The following KIRREL3 variants were observed in gnomAD, a reference collection of about 807,000 sequenced individuals.
KIRREL3 encodes kirre like nephrin family adhesion molecule 3, also known as kin of IRRE-like protein 3.
KIRREL3 carries 36 observed loss-of-function variants against 89.7 expected under a neutral mutation model. The observed-to-expected ratio is 0.40, with a 90% CI of 0.31 to 0.53. The LOEUF (loss-of-function observed/expected upper bound fraction) is 0.53. KIRREL3 is among the 20% of genes least tolerant of loss of function. The pLI is 0.49. For missense variants in KIRREL3, 864 were observed against 1,056.6 expected (o/e 0.82, Z 2.53); for synonymous variants, 445 against 441.4 (o/e 1.01, Z -0.10).
At chr11:126,602,182 G>T (rs138759772) in intron 1 of KIRREL3, among the ~76,000 whole-genome samples, 4 of 152,194 alleles carry the variant, frequency 2.6e-5, no homozygotes, top group African/African-American at 9.7e-5. Flanking sequence ...TTTGATGAAA[G>T]CCTACTCTGG....
At chr11:126,538,471 G>A (rs1323542028) in intron 2 of KIRREL3, among the ~76,000 whole-genome samples, 1 of 152,130 alleles carries the variant, frequency 6.6e-6, no homozygotes, top group Non-Finnish European at 1.5e-5. Flanking sequence ...GAAAGACAAG[G>A]GCAGCGTGAC....
In KIRREL3 at chr11:126,764,374, C is replaced by G. The variant is rs756262407; in HGVS notation, c.56-201462G>C. 6.6e-6 allele frequency among the ~76,000 whole-genome samples: 1 copy of G among 152,140 alleles called. No individual in the cohort carries two copies. On this transcript the variant is annotated intron_variant, in intron 1 of 16. Transcript: ENST00000525144. This position sits in a 1 kb window ranked among gnomAD's most constrained non-coding sequence, Gnocchi z 4.2. Reference sequence around the variant, plus strand: ...GACAGCATTGGGCTGACACCTGCATCGAATGGAAGCTACACATTTCTGTCC... The same window carrying G: ...GACAGCATTGGGCTGACACCTGCATGGAATGGAAGCTACACATTTCTGTCC...
Position 126,719,316 on chromosome 11 carries a change from C to T in KIRREL3, c.56-156404G>A, listed in dbSNP as rs1434601606. On this transcript the variant is annotated intron_variant, in intron 1 of 16. Coordinates refer to ENST00000525144, the MANE Select transcript of KIRREL3 (RefSeq NM_032531.4). The surrounding 1 kb of genome is among the most constrained non-coding windows in gnomAD (Gnocchi z 4.7). ...AGCTCTTCTGTTTGAACGCCTTCTTCTCTTAGCCTCTGGGAGAGCAGTCTC... is the reference window on the plus strand; with the variant it reads ...AGCTCTTCTGTTTGAACGCCTTCTTTTCTTAGCCTCTGGGAGAGCAGTCTC... Among the ~76,000 whole-genome samples the T allele has an allele frequency of 6.6e-6, 1 of 152,214 alleles. No homozygotes were observed. Among genetic ancestry groups the T allele is most frequent in the African/African-American group, 2.4e-5 (1 of 41,446 alleles).
Position 126,605,889 on chromosome 11 carries a change from C to T in KIRREL3, c.56-42977G>A, listed in dbSNP as rs1942868943. 6.6e-6 allele frequency among the ~76,000 whole-genome samples: 1 copy of T among 152,194 alleles called. No individual in the cohort carries two copies. The highest frequency in any genetic ancestry group is 1.5e-5 in the Non-Finnish European group (1 of 68,036). On this transcript the variant is annotated intron_variant, in intron 1 of 16. Coordinates refer to ENST00000525144, the MANE Select transcript of KIRREL3 (RefSeq NM_032531.4). The surrounding 1 kb of genome is among the most constrained non-coding windows in gnomAD (Gnocchi z 5.7). ...GGGATCAAATTAGAGGCACAAAGGG[C>T]AGAAGGGAACCTTGGAGGTTCCTCC...
intron 1 of KIRREL3, among the ~76,000 whole-genome samples, chr11:126,753,519 T>G (rs1592075714): frequency 6.6e-6 from 1 of 152,330 alleles, no homozygotes; most frequent in Non-Finnish European, 1.5e-5. Flanking sequence ...AAGACAATTG[T>G]GGGGGACAAG....
In KIRREL3 at chr11:126,981,952, A is replaced by G. The variant is rs548561392; in HGVS notation, c.55+18503T>C. On this transcript the variant is annotated intron_variant, in intron 1 of 16. Transcript: ENST00000525144. This position sits in a 1 kb window ranked among gnomAD's most constrained non-coding sequence, Gnocchi z 4.2. ...TTTCAATTTGAATTCTATGCATATTATCAGATAGAACAAATGCAAATATAT... is the reference window on the plus strand; with the variant it reads ...TTTCAATTTGAATTCTATGCATATTGTCAGATAGAACAAATGCAAATATAT... Among the ~76,000 whole-genome samples, 1 of 152,244 alleles carries G rather than the reference A, an allele frequency of 6.6e-6. No individual in the cohort carries two copies. The highest frequency in any genetic ancestry group is 2.1e-4 in the South Asian group (1 of 4,830).
intron 1 of KIRREL3, among the ~76,000 whole-genome samples, chr11:126,572,932 C>T (rs1273651155): frequency 6.6e-6 from 1 of 152,172 alleles, no homozygotes; most frequent in Non-Finnish European, 1.5e-5. Flanking sequence ...CAGCCCCTGC[C>T]CTCAAGCCCC....
At chr11:126,595,327 C>T (rs1486158780) in intron 1 of KIRREL3, among the ~76,000 whole-genome samples, 1 of 152,188 alleles carries the variant, frequency 6.6e-6, no homozygotes, top group Non-Finnish European at 1.5e-5. Context: ...GAGCTGAGGG[C>T]AGTGTAGGAG....
rs1295824354 is a variant in KIRREL3, at chr11:126,601,733, G to A, written c.56-38821C>T. On this transcript the variant is annotated intron_variant, in intron 1 of 16. Transcript: ENST00000525144. This position sits in a 1 kb window ranked among gnomAD's most constrained non-coding sequence, Gnocchi z 5.8. The stretch of plus-strand genomic sequence containing the variant: ...TCCTGCGGTGCCATTCGCCCACCCC[G>A]CCTACATTCCTGGACGCCTATTTGG... Among the ~76,000 whole-genome samples the A allele has an allele frequency of 1.3e-5, 2 of 151,898 alleles. No individual in the cohort carries two copies. The highest frequency in any genetic ancestry group is 2.1e-4 in the South Asian group (1 of 4,810).
intron 12 of KIRREL3, 37 bp downstream of exon 12, chr11:126,436,774 T>A: frequency 6.2e-7 from 1 of 1,610,090 alleles, no homozygotes; most frequent in Non-Finnish European, 8.5e-7. Flanking sequence ...TCTGGTTCCA[T>A]CGTTCGTTGT....
chr11:126,563,227 G>A lies in KIRREL3; in HGVS notation c.56-315C>T, dbSNP rs541197866. On this transcript the variant is annotated intron_variant, in intron 1 of 16. Transcript: ENST00000525144. This position sits in a 1 kb window ranked among gnomAD's most constrained non-coding sequence, Gnocchi z 6.8. ...CCAGAGCTTTGAACCTAGGCAGTCT[G>A]GCTCTGAGTCCATGCTCATAAACAT... Among the ~76,000 whole-genome samples the A allele has an allele frequency of 6.6e-6, 1 of 152,314 alleles. No homozygotes were observed. The highest frequency in any genetic ancestry group is 2.1e-4 in the South Asian group (1 of 4,826).
At chr11:126,770,280 C>T (rs1158259220) in intron 1 of KIRREL3, among the ~76,000 whole-genome samples, 1 of 152,162 alleles carries the variant, frequency 6.6e-6, no homozygotes, top group Admixed American at 6.5e-5. Context: ...TGAGAGAGAT[C>T]ATAAATTGAT....
In KIRREL3 at chr11:126,477,330, G is replaced by A. The variant is rs533237099; in HGVS notation, c.434-3864C>T. Among the ~76,000 whole-genome samples, 3 of 152,320 alleles carry A rather than the reference G, an allele frequency of 2.0e-5. No homozygotes were observed. The highest frequency in any genetic ancestry group is 7.2e-5 in the African/African-American group (3 of 41,576). On this transcript the variant is annotated intron_variant, in intron 4 of 16. Transcript: ENST00000525144. The surrounding 1 kb of genome is among the most constrained non-coding windows in gnomAD (Gnocchi z 4.8). ...AGCTCTGCAGACTTTGCCTTGTTTG[G>A]GTGGGCGGTGGGGGTACCCGTCCCT...
At position 126,579,689 on chromosome 11, in the gene KIRREL3, G is replaced by C. The variant is rs1941440099; in HGVS notation, c.56-16777C>G. ...GCATTTGTATCTAGAGTTGCACCTGGATCTGGACAATGCTTCCAGGTTACC... is the reference window on the plus strand; with the variant it reads ...GCATTTGTATCTAGAGTTGCACCTGCATCTGGACAATGCTTCCAGGTTACC... On this transcript the variant is annotated intron_variant, in intron 1 of 16. Transcript: ENST00000525144. The surrounding 1 kb of genome is among the most constrained non-coding windows in gnomAD (Gnocchi z 5.3). Among the ~76,000 whole-genome samples, 1 of 152,044 alleles carries C rather than the reference G, an allele frequency of 6.6e-6. No individual in the cohort carries two copies. The highest frequency in any genetic ancestry group is 1.5e-5 in the Non-Finnish European group (1 of 68,020).
chr11:126,458,692 C>A (rs1469842531), intron 6 of KIRREL3, among the ~76,000 whole-genome samples: 1 of 152,230 alleles, frequency 6.6e-6, no homozygotes, highest in African/African-American at 2.4e-5. Context: ...CGGGGGACCA[C>A]AAATCCAGGA....
intron 1 of KIRREL3, among the ~76,000 whole-genome samples, chr11:126,801,733 G>T (rs535024896): frequency 4.6e-5 from 7 of 152,196 alleles, no homozygotes; most frequent in African/African-American, 7.2e-5. Flanking sequence ...CCAGTGGACA[G>T]CATAGCTCCT....
chr11:126,815,322 C>T (rs7116419), intron 1 of KIRREL3, among the ~76,000 whole-genome samples: 5,408 of 152,218 alleles, frequency 0.036, 118 homozygotes, highest in African/African-American at 0.058. Flanking sequence ...GTGAATGAGT[C>T]ACACCCTGAT....
In KIRREL3 at chr11:126,995,410, T is replaced by A. The variant is rs1341122806; in HGVS notation, c.55+5045A>T. 3 of 443,448 alleles carry A rather than the reference T, an allele frequency of 6.8e-6. No homozygotes were observed. Among genetic ancestry groups the A allele is most frequent in the South Asian group, 4.8e-5 (3 of 63,118 alleles). The allele number at this position is 443,448 out of a possible 1,614,324, so 27.5% of individuals were successfully genotyped here. A position where few individuals can be genotyped will look rare whatever the true frequency, so the allele number is the denominator to read the frequency against. ...CTTCCCAGGCACAGGACGAGTTCAGTGCCTCTCTGTTTCTTGATGGACCCC... is the reference window on the plus strand; with the variant it reads ...CTTCCCAGGCACAGGACGAGTTCAGAGCCTCTCTGTTTCTTGATGGACCCC... On this transcript the variant is annotated intron_variant, in intron 1 of 16. Coordinates refer to ENST00000525144, the MANE Select transcript of KIRREL3 (RefSeq NM_032531.4). This position sits in a 1 kb window ranked among gnomAD's most constrained non-coding sequence, Gnocchi z 6.5.
chr11:126,878,638 A>G (rs914896889), intron 1 of KIRREL3, among the ~76,000 whole-genome samples: 1 of 152,192 alleles, frequency 6.6e-6, no homozygotes, highest in Admixed American at 6.5e-5. Flanking sequence ...AGCAAAAGAA[A>G]AAAAAAACAA....
Sources: gnomAD v4.1 joint callset for allele counts (sites outside exome capture counted in the v4.1 genomes callset) on GRCh38, gnomAD v4.1.1 for gene constraint, Gnocchi (gnomAD v3.1) non-coding constraint, MANE v1.5 for transcripts, NCBI Gene and HGNC (gene_info 2026-07-23, HGNC 2026-07-21) for gene names.